DRC1: variants seen among roughly 807,000 people sequenced by gnomAD.
DRC1 encodes the protein dynein regulatory complex protein 1.
DRC1 carries 74 observed loss-of-function variants against 98.7 expected under a neutral mutation model. The observed-to-expected ratio is 0.75, with a 90% CI of 0.62 to 0.91. DRC1 has a LOEUF of 0.91. Among genes scored for constraint, DRC1 ranks in the 40% least tolerant of loss-of-function variants. The pLI is 0.00. For synonymous variants in DRC1, 336 were observed against 334.1 expected, an observed-to-expected ratio of 1.01 and a Z score of -0.06; for missense variants, 875 against 886.0, an observed-to-expected ratio of 0.99 and a Z score of 0.16.
intron 7 of DRC1, among the ~76,000 whole-genome samples, chr2:26,433,646 A>G (rs1443717531): frequency 6.6e-6 from 1 of 152,230 alleles, no homozygotes; most frequent in Non-Finnish European, 1.5e-5. Context: ...CCTTAATCCA[A>G]TGTCCAAATA....
In DRC1 at chr2:26,429,803, A is replaced by G. The variant is rs4356622; in HGVS notation, c.678+38A>G. 0.9 allele frequency: 1,440,631 copies of G among 1,609,126 alleles called. 653,622 individuals carry two copies. Among genetic ancestry groups the G allele is most frequent in the Non-Finnish European group, 0.93 (1,090,170 of 1,177,106 alleles). On this transcript the variant is annotated intron_variant, in intron 5 of 16. Coordinates refer to ENST00000288710, the MANE Select transcript of DRC1 (RefSeq NM_145038.5). ...GAAAAGACCTGGTTTCTGCTCTTGG[A>G]GGGCCCCTGGGAGGAGGTCTAGGTC...
At chr2:26,429,861 C>A in intron 5 of DRC1, 96 bp downstream of exon 5, 1 of 1,308,766 alleles carries the variant, frequency 7.6e-7, no homozygotes, top group Non-Finnish European at 1.0e-6. Context: ...CCCTACATGA[C>A]TTCTCTGTCC....
chr2:26,412,817 G>A (rs935054917), intron 1 of DRC1, among the ~76,000 whole-genome samples: 1 of 151,890 alleles, frequency 6.6e-6, no homozygotes, highest in Non-Finnish European at 1.5e-5. Flanking sequence ...TCGCTCTCCC[G>A]CCCAGGCTGG....
At position 26,448,572 on chromosome 2, in the gene DRC1, A is replaced by C; in HGVS notation, c.1397-119A>C. The C allele has an allele frequency of 3.9e-6, 4 of 1,031,842 alleles. No individual in the cohort carries two copies. The South Asian group carries it at 5.5e-5, about 14-fold the overall frequency. 63.9% of individuals were successfully genotyped at this position (1,031,842 alleles called of 1,614,324 possible). A position where few individuals can be genotyped will look rare whatever the true frequency, so the allele number is the denominator to read the frequency against. ...TAAAGAGACTGAGAGAATGCCTCAC[A>C]GAGGCTTTTTAAGAGGTACATTTTC... On this transcript the variant is annotated intron_variant, in intron 10 of 16. Transcript: ENST00000288710.
At chr2:26,438,665 T>G (rs780281793) in intron 7 of DRC1, among the ~76,000 whole-genome samples, 12 of 152,064 alleles carry the variant, frequency 7.9e-5, no homozygotes, top group Non-Finnish European at 1.5e-4. Context: ...ACAGCAAACA[T>G]GGAAAAGATG....
chr2:26,449,230 T>C (rs538854359), intron 11 of DRC1, among the ~76,000 whole-genome samples: 39 of 152,392 alleles, frequency 2.6e-4, no homozygotes, highest in African/African-American at 8.9e-4. Context: ...CTGCATTGTA[T>C]GTTAGCAAAC....
chr2:26,437,090 T>C (rs1037115678), intron 7 of DRC1, among the ~76,000 whole-genome samples: 1 of 152,214 alleles, frequency 6.6e-6, no homozygotes, highest in Admixed American at 6.5e-5. Context: ...CCTGACCCAC[T>C]CACGATGACC....
chr2:26,402,461 A>T (rs1455873878), intron 1 of DRC1, among the ~76,000 whole-genome samples: 1 of 152,164 alleles, frequency 6.6e-6, no homozygotes, highest in African/African-American at 2.4e-5. Flanking sequence ...TCCACTACGG[A>T]CACCTCCAAA....
At chr2:26,402,923 T>C (rs1349930551) in intron 1 of DRC1, among the ~76,000 whole-genome samples, 2 of 152,138 alleles carry the variant, frequency 1.3e-5, no homozygotes, top group African/African-American at 4.8e-5. Context: ...AAATAGTAAA[T>C]ATTTTAGGCT....
chr2:26,420,890 A>T (rs1663120902), intron 2 of DRC1, among the ~76,000 whole-genome samples: 2 of 151,058 alleles, frequency 1.3e-5, no homozygotes, highest in Non-Finnish European at 2.9e-5. Context: ...CAGCCTGCTG[A>T]GTAGCTGGGA....
intron 2 of DRC1, among the ~76,000 whole-genome samples, chr2:26,418,737 T>C (rs930389189): frequency 1.7e-4 from 20 of 117,314 alleles, no homozygotes; most frequent in African/African-American, 6.0e-4. Context: ...ATATTTAATT[T>C]ATATATAATA....
intron 1 of DRC1, among the ~76,000 whole-genome samples, chr2:26,407,471 A>T (rs192531872): frequency 3.3e-5 from 5 of 152,214 alleles, no homozygotes; most frequent in African/African-American, 1.2e-4. Flanking sequence ...CTTCCAATGG[A>T]GTGACAGGAC....
At position 26,444,716 on chromosome 2, in the gene DRC1, G is replaced by A; in HGVS notation, c.1164G>A (p.Arg388=). The part of the protein sequence containing the change: ...MQFKELQKAM[R]HFALIDDEKF... ...CATGCTCTGTGACTCTCCTTCACAG[G>A]CATTTTGCTCTTATTGATGATGAGA... is the stretch of plus-strand genomic sequence containing the variant. Residue 388 remains arginine (R), a splice_region_variant and synonymous_variant, in exon 10 of 17, where the codon AGG becomes AGA. Coordinates refer to ENST00000288710, the MANE Select transcript of DRC1 (RefSeq NM_145038.5). 2 of 1,613,864 alleles carry A rather than the reference G, an allele frequency of 1.2e-6. No individual in the cohort carries two copies. Among genetic ancestry groups the A allele is most frequent in the Non-Finnish European group, 1.7e-6 (2 of 1,179,864 alleles).
chr2:26,432,620 A>G (rs1228560829), intron 7 of DRC1, among the ~76,000 whole-genome samples: 3 of 152,190 alleles, frequency 2.0e-5, no homozygotes, highest in Non-Finnish European at 4.4e-5. Context: ...AAAGGAAGAG[A>G]AAGAGAAAGA....
chr2:26,430,953 T>C, intron 6 of DRC1, 81 bp downstream of exon 6: 1 of 1,060,820 alleles, frequency 9.4e-7, no homozygotes. Context: ...CTAGCCTTTT[T>C]CTATCTTTTT....
At chr2:26,427,623 GCTGAC>G (rs1176447143) in intron 4 of DRC1, among the ~76,000 whole-genome samples, 1 of 151,710 alleles carries the variant, frequency 6.6e-6, no homozygotes, top group Non-Finnish European at 1.5e-5. Flanking sequence ...AATAAATCTA[GCTGAC>G]CTTAGTCACG....
intron 6 of DRC1, 114 bp downstream of exon 6, chr2:26,430,986 A>C (rs1376692332): frequency 3.7e-6 from 3 of 807,122 alleles, no homozygotes; most frequent in Non-Finnish European, 5.3e-6. Context: ...TTTGAGATGG[A>C]ATCTTGCTTC....
In DRC1 at chr2:26,414,420, G is replaced by A. The variant is rs769881387; in HGVS notation, c.232G>A (p.Glu78Lys). 6.2e-7 allele frequency: 1 copy of A among 1,613,580 alleles called. No individual in the cohort carries two copies. The highest frequency in any genetic ancestry group is 1.3e-5 in the African/African-American group (1 of 74,920). The change falls in exon 2 of 17, where the codon GAA becomes AAA. Residue 78 changes from glutamate (E) to lysine (K), a missense_variant. Transcript: ENST00000288710. ...AAGCAAGAGCTACAAACAGAAAGAA[G>A]AAAGCCGATTGGTATGAACTGGTTG... The part of the protein sequence containing the change: ...DQSKSYKQKE[E>K]SRLKLAKLLL...
At chr2:26,431,697 C>T (rs780095867) in intron 6 of DRC1, among the ~76,000 whole-genome samples, 187 bp from the exon 7 acceptor site, 5 of 151,832 alleles carry the variant, frequency 3.3e-5, no homozygotes, top group Non-Finnish European at 5.9e-5. Context: ...GAGTAATGAC[C>T]GCATTAGGCA....
Sources: gnomAD v4.1 joint callset for allele counts (sites outside exome capture counted in the v4.1 genomes callset) on GRCh38, gnomAD v4.1.1 for gene constraint, MANE v1.5 for transcripts, NCBI Gene and HGNC (gene_info 2026-07-23, HGNC 2026-07-21) for gene names.